Variants in CARD9 observed in about 807,000 individuals in gnomAD.
CARD9 encodes the protein caspase recruitment domain-containing protein 9.
CARD9 carries 53 observed loss-of-function variants against 66.0 expected under a neutral mutation model. The observed-to-expected ratio is 0.80, with a 90% CI of 0.64 to 1.01. The LOEUF (loss-of-function observed/expected upper bound fraction) is 1.01, where lower values mean the gene tolerates loss of function less well. Ranked by LOEUF, CARD9 falls within the 50% of genes least tolerant of loss-of-function variation. The pLI is 0.00. For missense variants in CARD9, 769 were observed against 743.2 expected (o/e 1.03, Z -0.40); for synonymous variants, 387 against 313.8 (o/e 1.23, Z -2.47).
At chr9:136,368,875 A>G (rs1833189701) in intron 7 of CARD9, among the ~76,000 whole-genome samples, 1 of 151,876 alleles carries the variant, frequency 6.6e-6, no homozygotes, top group South Asian at 2.1e-4. Flanking sequence ...GCTGGAGTAC[A>G]GTAGCGTGAT....
In CARD9 at chr9:136,364,015, T is replaced by A; in HGVS notation, c.*287A>T. ...TGTTTTCTAACACTAATACAATGCA[T>A]GCATGTATTGTGTGTTACATGGTGA... On this transcript the variant is annotated 3_prime_UTR_variant, in exon 13 of 13. Coordinates refer to ENST00000371732, the MANE Select transcript of CARD9 (RefSeq NM_052813.5). 2 of 1,345,066 alleles carry A rather than the reference T, an allele frequency of 1.5e-6. No individual in the cohort carries two copies. Among genetic ancestry groups the A allele is most frequent in the African/African-American group, 2.9e-5 (2 of 69,152 alleles). 83.3% of individuals were successfully genotyped at this position (1,345,066 alleles called of 1,614,324 possible).
At chr9:136,368,968 C>T (rs1265101864) in intron 7 of CARD9, among the ~76,000 whole-genome samples, 3 of 152,110 alleles carry the variant, frequency 2.0e-5, no homozygotes, top group South Asian at 2.1e-4. Context: ...TACAGGCGCC[C>T]GGAACCACAC....
rs1479309493 is a variant in CARD9 at position 136,365,020 on chromosome 9, G to A, written c.1434+121C>T. 4.4e-6 allele frequency: 4 copies of A among 903,862 alleles called. No homozygotes were observed. The African/African-American group carries it at 4.9e-5, about 11-fold the overall frequency. The allele number at this position is 903,862 out of a possible 1,614,324, so 56.0% of individuals were successfully genotyped here. A position where few individuals can be genotyped will look rare whatever the true frequency, so the allele number is the denominator to read the frequency against. ...GAGCACTGTGGGCAGAGACCTTGTG[G>A]TCACTCCTCAGCTGTCGTCGGGGCC... On this transcript the variant is annotated intron_variant, in intron 11 of 12. Transcript: ENST00000371732.
chr9:136,373,107 G>A (rs536797958), intron 1 of CARD9, among the ~76,000 whole-genome samples: 11 of 152,220 alleles, frequency 7.2e-5, no homozygotes, highest in South Asian at 6.2e-4. Context: ...CTCCAGCCCC[G>A]CTGGGAAACG....
intron 7 of CARD9, among the ~76,000 whole-genome samples, chr9:136,368,557 T>G (rs1397574628): frequency 1.3e-5 from 2 of 152,364 alleles, no homozygotes; most frequent in South Asian, 4.1e-4. Context: ...GCTCCTGATG[T>G]GGACAAAGTG....
At position 136,365,147 on chromosome 9, in the gene CARD9, G is replaced by A; in HGVS notation, c.1428C>T (p.Asn476=). Residue 476 remains asparagine, a synonymous_variant, in exon 11 of 13, where the codon AAC becomes AAT. Coordinates refer to ENST00000371732, the MANE Select transcript of CARD9 (RefSeq NM_052813.5). The part of the protein sequence containing the change: ...AALHQEQVLR[N]PHDAGLSSGE... ...CACCCCGGGGAAGCCTTACATGGGG[G>A]TTCCGCAAAACCTGCTCCTGGTGCA... The A allele has an allele frequency of 6.2e-7, 1 of 1,612,128 alleles. No homozygotes were observed. Among genetic ancestry groups the A allele is most frequent in the Non-Finnish European group, 8.5e-7 (1 of 1,179,860 alleles).
At position 136,367,933 on chromosome 9, in the gene CARD9, C is replaced by A. The variant is rs1275159118; in HGVS notation, c.1078-105G>T. On this transcript the variant is annotated intron_variant, in intron 7 of 12. Transcript: ENST00000371732. The stretch of plus-strand genomic sequence containing the variant: ...AGCAGAGGCTCCGGAGGACGTCAAG[C>A]CGCTGGGCGCGGAGGCTGGTCACAG... 2.1e-6 allele frequency: 3 copies of A among 1,457,628 alleles called. No homozygotes were observed. In the African/African-American group the frequency reaches 4.3e-5, roughly 21 times the overall value. 90.3% of individuals were successfully genotyped at this position (1,457,628 alleles called of 1,614,324 possible).
chr9:136,369,080 A>G (rs1833194602), intron 7 of CARD9, among the ~76,000 whole-genome samples: 2 of 152,076 alleles, frequency 1.3e-5, no homozygotes, highest in Admixed American at 6.6e-5. Flanking sequence ...TCGCCCTCCT[A>G]GAGTGCTGGG....
intron 8 of CARD9, 65 bp downstream of exon 8, chr9:136,367,572 C>A (rs1486475524): frequency 6.7e-7 from 1 of 1,495,128 alleles, no homozygotes. Context: ...GGCTGAGGCT[C>A]CGTGCTCCCC....
chr9:136,370,266 G>T (rs753326866), intron 6 of CARD9, 28 bp downstream of exon 6: 11 of 1,591,628 alleles, frequency 6.9e-6, no homozygotes, highest in Non-Finnish European at 3.4e-6. Flanking sequence ...GGACCCCAGG[G>T]GCCATGTCTC....
chr9:136,373,345 A>G (rs1833320111), intron 1 of CARD9, among the ~76,000 whole-genome samples, 187 bp downstream of exon 1: 1 of 152,194 alleles, frequency 6.6e-6, no homozygotes. Flanking sequence ...CCCATCTGCC[A>G]CCGTAATTCC....
chr9:136,373,061 G>C (rs1311580666), intron 1 of CARD9, among the ~76,000 whole-genome samples: 1 of 152,256 alleles, frequency 6.6e-6, no homozygotes, highest in African/African-American at 2.4e-5. Flanking sequence ...TGGGACTGCG[G>C]CAAGGCTGGG....
In CARD9 at chr9:136,370,637, G is replaced by A. The variant is rs1326775525; in HGVS notation, c.692C>T (p.Thr231Met). ...EDDCKVERKH[T>M]LKLRHAMEQR... is the part of the protein sequence containing the mutation. ...CTCCATGGCGTGCCTGAGCTTCAGC[G>A]TGTGCTTGCGCTCCACCTTGCAGTC... Residue 231 changes from threonine (T) to methionine (M), a missense_variant, in exon 5 of 13, where the codon ACG becomes ATG. Coordinates refer to ENST00000371732, the MANE Select transcript of CARD9 (RefSeq NM_052813.5). The A allele has an allele frequency of 6.8e-6, 11 of 1,612,750 alleles. No homozygotes were observed. Among genetic ancestry groups the A allele is most frequent in the Admixed American group, 1.7e-5 (1 of 60,030 alleles).
chr9:136,367,844 A>G lies in CARD9; in HGVS notation c.1078-16T>C. 1.3e-6 allele frequency: 2 copies of G among 1,589,292 alleles called. No individual in the cohort carries two copies. Among genetic ancestry groups the G allele is most frequent in the African/African-American group, 1.3e-5 (1 of 74,700 alleles). On this transcript the variant is annotated splice_polypyrimidine_tract_variant and intron_variant, in intron 7 of 12. Transcript: ENST00000371732. Reference sequence around the variant, plus strand: ...TGGCTATGGCCTGACGGGACAGCACAAGGCCGACCCTCAGTGAGGGCCCCA... The same window carrying G: ...TGGCTATGGCCTGACGGGACAGCACGAGGCCGACCCTCAGTGAGGGCCCCA...
At chr9:136,367,973 T>C in intron 7 of CARD9, 145 bp from the exon 8 acceptor site, 2 of 1,432,676 alleles carry the variant, frequency 1.4e-6, no homozygotes, top group Non-Finnish European at 1.8e-6. Flanking sequence ...TCCATTTGTG[T>C]GCTCTGCGGA....
In CARD9 at chr9:136,373,539, T is replaced by G. The variant is rs73565169; in HGVS notation, c.-24A>C. 955 of 985,542 alleles carry G rather than the reference T, an allele frequency of 9.7e-4. 8 individuals are homozygous for G. The African/African-American group carries it at 0.015, about 16-fold the overall frequency. 61.0% of individuals were successfully genotyped at this position (985,542 alleles called of 1,614,324 possible). On this transcript the variant is annotated 5_prime_UTR_variant, in exon 1 of 13. Transcript: ENST00000371732. ...AGCACCAGACCCACCCACCTGAGGG[T>G]CTTCCAGGAGCCACCTGCACTGCAG... is the stretch of plus-strand genomic sequence containing the variant.
At chr9:136,372,131 C>A in intron 1 of CARD9, 37 bp from the exon 2 acceptor site, 1 of 1,606,200 alleles carries the variant, frequency 6.2e-7, no homozygotes. Flanking sequence ...GCGATGCCGG[C>A]TCCTGCCCCC....
chr9:136,371,205 C>G (rs1833261595), intron 3 of CARD9, 60 bp from the exon 4 acceptor site: 5 of 1,599,494 alleles, frequency 3.1e-6, no homozygotes, highest in African/African-American at 2.7e-5. Context: ...CTCCATCACG[C>G]CCTGCGCTGT....
intron 7 of CARD9, among the ~76,000 whole-genome samples, chr9:136,369,082 A>G (rs904460614): frequency 2.6e-5 from 4 of 152,036 alleles, no homozygotes; most frequent in African/African-American, 9.7e-5. Flanking sequence ...GCCCTCCTAG[A>G]GTGCTGGGAT....
Sources: gnomAD v4.1 joint callset for allele counts (sites outside exome capture counted in the v4.1 genomes callset) on GRCh38, gnomAD v4.1.1 for gene constraint, MANE v1.5 for transcripts, NCBI Gene and HGNC (gene_info 2026-07-23, HGNC 2026-07-21) for gene names.